Variants in RCAN2 observed in about 807,000 individuals in gnomAD.
RCAN2 encodes the protein calcipressin-2.
A neutral mutation model predicts 23.6 loss-of-function variants in RCAN2; 9 were observed. The observed-to-expected ratio is 0.38, with a 90% CI of 0.23 to 0.67. RCAN2 has a LOEUF of 0.67. Among genes scored for constraint, RCAN2 ranks in the 30% least tolerant of loss-of-function variants. The pLI is 0.51. For missense variants in RCAN2, 273 were observed against 302.3 expected, an observed-to-expected ratio of 0.90 and a Z score of 0.72; for synonymous variants, 109 against 115.7, an observed-to-expected ratio of 0.94 and a Z score of 0.37.
chr6:46,410,560 C>T (rs543083672), intron 2 of RCAN2, among the ~76,000 whole-genome samples: 1 of 152,144 alleles, frequency 6.6e-6, no homozygotes, highest in Non-Finnish European at 1.5e-5. Flanking sequence ...AAAGGCATGT[C>T]TGAGAAATAA....
intron 1 of RCAN2, among the ~76,000 whole-genome samples, chr6:46,459,325 A>C (rs1172202492): frequency 1.3e-5 from 2 of 152,240 alleles, no homozygotes; most frequent in African/African-American, 4.8e-5. Flanking sequence ...AAAACATTAT[A>C]AAACACTCTT....
intron 2 of RCAN2, among the ~76,000 whole-genome samples, chr6:46,390,979 GCAGA>G (rs1324013951): frequency 9.9e-5 from 15 of 152,152 alleles, no homozygotes; most frequent in African/African-American, 3.6e-4. Flanking sequence ...GGCAGCCTGG[GCAGA>G]CAAAGGAAGC....
At chr6:46,489,137 T>C (rs554258367) in intron 1 of RCAN2, among the ~76,000 whole-genome samples, 1 of 152,336 alleles carries the variant, frequency 6.6e-6, no homozygotes, top group East Asian at 1.9e-4. Flanking sequence ...GCCATGTGTG[T>C]ATGCTGTTCC....
intron 2 of RCAN2, among the ~76,000 whole-genome samples, chr6:46,394,067 G>A (rs916167560): frequency 5.3e-5 from 8 of 152,168 alleles, no homozygotes; most frequent in Admixed American, 4.6e-4. Flanking sequence ...TGAAAGCTGA[G>A]CTGCCATCAG....
chr6:46,259,259 G>C (rs1461360309), intron 2 of RCAN2, among the ~76,000 whole-genome samples: 1 of 151,968 alleles, frequency 6.6e-6, no homozygotes, highest in Non-Finnish European at 1.5e-5. Flanking sequence ...TTAAGAATGA[G>C]AACAAAAATA....
chr6:46,343,373 C>T (rs907009575), intron 2 of RCAN2, among the ~76,000 whole-genome samples: 8 of 117,910 alleles, frequency 6.8e-5, no homozygotes, highest in Admixed American at 5.4e-4. Flanking sequence ...CTTGGGAAAA[C>T]AATTTTTTTT....
At chr6:46,301,849 G>C (rs1762912669) in intron 2 of RCAN2, among the ~76,000 whole-genome samples, 1 of 152,034 alleles carries the variant, frequency 6.6e-6, no homozygotes, top group Non-Finnish European at 1.5e-5. Context: ...CACATAGAGG[G>C]GAGTTTGGAC....
At chr6:46,339,863 A>G (rs1764249560) in intron 2 of RCAN2, among the ~76,000 whole-genome samples, 2 of 151,828 alleles carry the variant, frequency 1.3e-5, no homozygotes, top group Admixed American at 1.3e-4. Context: ...GGTTTCTGAG[A>G]CTACACTGGG....
chr6:46,239,799 T>C (rs916441037), intron 4 of RCAN2, among the ~76,000 whole-genome samples: 110 of 152,194 alleles, frequency 7.2e-4, no homozygotes, highest in African/African-American at 2.6e-3. Context: ...GCTTATCTTC[T>C]GGAGGTTTCT....
chr6:46,463,576 A>T (rs914931078), intron 1 of RCAN2, among the ~76,000 whole-genome samples: 2 of 152,178 alleles, frequency 1.3e-5, no homozygotes, highest in Non-Finnish European at 2.9e-5. Flanking sequence ...TGAGATTTTT[A>T]TCTTACCATG....
At chr6:46,395,841 G>T (rs901362467) in intron 2 of RCAN2, among the ~76,000 whole-genome samples, 1 of 152,050 alleles carries the variant, frequency 6.6e-6, no homozygotes, top group East Asian at 1.9e-4. Context: ...TGGCCACTAC[G>T]TACCTCAAAG....
chr6:46,271,098 T>A (rs1767509770), intron 2 of RCAN2, among the ~76,000 whole-genome samples: 1 of 152,218 alleles, frequency 6.6e-6, no homozygotes. Flanking sequence ...TGACAGAGTT[T>A]TCCAGAGAAT....
chr6:46,303,089 T>C (rs577187659), intron 2 of RCAN2, among the ~76,000 whole-genome samples: 8 of 152,098 alleles, frequency 5.3e-5, no homozygotes, highest in African/African-American at 1.9e-4. Flanking sequence ...GGAACTGCAG[T>C]AACTCACTTT....
intron 2 of RCAN2, among the ~76,000 whole-genome samples, chr6:46,405,960 G>T: frequency 6.6e-6 from 1 of 152,336 alleles, no homozygotes; most frequent in Non-Finnish European, 1.5e-5. Flanking sequence ...GCGCCGGTGG[G>T]TTGGCACTGC....
intron 2 of RCAN2, among the ~76,000 whole-genome samples, chr6:46,293,068 G>A (rs1216054945): frequency 3.9e-5 from 6 of 152,264 alleles, no homozygotes; most frequent in Middle Eastern, 3.4e-3. Flanking sequence ...CTTTTTTAAT[G>A]GTTGTATAGT....
intron 2 of RCAN2, among the ~76,000 whole-genome samples, chr6:46,341,039 A>G (rs1582122365): frequency 1.3e-5 from 2 of 152,328 alleles, no homozygotes; most frequent in South Asian, 4.1e-4. Context: ...GGTAAAATGA[A>G]TGAGGTCAGA....
chr6:46,237,829 C>T (rs1333043820), intron 4 of RCAN2, among the ~76,000 whole-genome samples: 1 of 152,112 alleles, frequency 6.6e-6, no homozygotes, highest in African/African-American at 2.4e-5. Context: ...TAAGGAAGCC[C>T]AAGCAGCCCA....
chr6:46,425,303 A>G (rs1464384093), intron 2 of RCAN2, among the ~76,000 whole-genome samples: 1 of 152,254 alleles, frequency 6.6e-6, no homozygotes, highest in Non-Finnish European at 1.5e-5. Context: ...TCATTCCATT[A>G]GTCCTCAGAG....
chr6:46,311,156 G>A (rs886520720), intron 2 of RCAN2, among the ~76,000 whole-genome samples: 2 of 152,114 alleles, frequency 1.3e-5, no homozygotes, highest in African/African-American at 4.8e-5. Context: ...TCCAGCCCAC[G>A]CTGGTCTGGC....
Sources: allele counts gnomAD v4.1 joint callset (sites outside exome capture counted in the v4.1 genomes callset), GRCh38; gene constraint gnomAD v4.1.1; transcripts MANE v1.5; gene names NCBI Gene and HGNC (gene_info 2026-07-23, HGNC 2026-07-21).